PLEKHA5: variants seen among roughly 807,000 people sequenced by gnomAD.
PLEKHA5 encodes the protein pleckstrin homology domain containing A5, also known as pleckstrin homology domain-containing family A member 5.
PLEKHA5 carries 55 observed loss-of-function variants against 181.9 expected under a neutral mutation model. The ratio of observed to expected loss-of-function variants is 0.30; its 90% CI spans 0.24 to 0.38. The LOEUF is 0.38. Among genes scored for constraint, PLEKHA5 ranks in the 10% least tolerant of loss-of-function variants. The pLI, the probability that PLEKHA5 is intolerant of heterozygous loss-of-function variation, is 1.00. For missense variants in PLEKHA5, 1,432 were observed against 1,549.5 expected (o/e 0.92, Z 1.27); for synonymous variants, 535 against 529.4 (o/e 1.01, Z -0.15).
chr12:19,323,593 G>T (rs2153052905), intron 20 of PLEKHA5, among the ~76,000 whole-genome samples: 1 of 152,134 alleles, frequency 6.6e-6, no homozygotes, highest in Non-Finnish European at 1.5e-5. Context: ...GAGGCAGGTG[G>T]ATCACTTGAG....
intron 6 of PLEKHA5, among the ~76,000 whole-genome samples, chr12:19,260,602 A>G (rs1185911710): frequency 6.6e-6 from 1 of 152,194 alleles, no homozygotes; most frequent in Non-Finnish European, 1.5e-5. Flanking sequence ...CAAGCCTGTA[A>G]TCCCAGCACT....
At chr12:19,331,658 G>C (rs2092845497) in intron 20 of PLEKHA5, among the ~76,000 whole-genome samples, 1 of 152,078 alleles carries the variant, frequency 6.6e-6, no homozygotes, top group East Asian at 1.9e-4. Context: ...TCTTGTCTCA[G>C]TACAGACTAC....
chr12:19,135,674 A>G (rs1203232680), intron 3 of PLEKHA5, among the ~76,000 whole-genome samples: 1 of 152,164 alleles, frequency 6.6e-6, no homozygotes, highest in Non-Finnish European at 1.5e-5. Context: ...ATCTTCATGT[A>G]AACAGATAGT....
At chr12:19,246,146 C>G (rs1288289867) in intron 3 of PLEKHA5, among the ~76,000 whole-genome samples, 1 of 150,978 alleles carries the variant, frequency 6.6e-6, no homozygotes, top group Non-Finnish European at 1.5e-5. Context: ...ACCCGGTTAA[C>G]TTTTTGTATT....
intron 3 of PLEKHA5, among the ~76,000 whole-genome samples, chr12:19,215,128 G>A (rs945711853): frequency 6.6e-6 from 1 of 152,058 alleles, no homozygotes; most frequent in Admixed American, 6.5e-5. Flanking sequence ...AGTGAGCTGA[G>A]ATGGTGCCAC....
chr12:19,320,889 G>A (rs2090486230), intron 18 of PLEKHA5: 2 of 203,718 alleles, frequency 9.8e-6, no homozygotes, highest in Non-Finnish European at 1.9e-5. Flanking sequence ...CAGATTGGCT[G>A]GACACGGTGG....
At position 19,276,381 on chromosome 12, in the gene PLEKHA5, A is replaced by G. The variant is rs557316051; in HGVS notation, c.1313+1398A>G. ...GATTGCTTTGATGTGCTTGATTGCAAACTCGTCTTGCTCAAGATTAAGTTT... is the reference window on the plus strand; with the variant it reads ...GATTGCTTTGATGTGCTTGATTGCAGACTCGTCTTGCTCAAGATTAAGTTT... On this transcript the variant is annotated intron_variant, in intron 11 of 31. Coordinates refer to ENST00000429027, the MANE Select transcript of PLEKHA5 (RefSeq NM_001256470.2). 2.0e-5 allele frequency among the ~76,000 whole-genome samples: 3 copies of G among 152,288 alleles called. No individual in the cohort carries two copies. The East Asian group carries it at 5.8e-4, about 29-fold the overall frequency.
At chr12:19,150,145 T>C (rs1252676635) in intron 3 of PLEKHA5, 2 of 152,246 alleles carry the variant, frequency 1.3e-5, no homozygotes, top group Non-Finnish European at 2.9e-5. Flanking sequence ...CCTTAGATTA[T>C]ATAGAAATCT....
chr12:19,295,344 T>C (rs1471918642), intron 15 of PLEKHA5, among the ~76,000 whole-genome samples: 2 of 152,334 alleles, frequency 1.3e-5, no homozygotes, highest in East Asian at 3.9e-4. Flanking sequence ...TTTCCATGTT[T>C]ATTTTTCTGC....
Position 19,347,049 on chromosome 12 carries a change from A to T in PLEKHA5, c.2765A>T (p.Glu922Val). Residue 922 changes from glutamate to valine, a missense_variant, in exon 24 of 32, where the codon GAG becomes GTG. Coordinates refer to ENST00000429027, the MANE Select transcript of PLEKHA5 (RefSeq NM_001256470.2). The stretch of plus-strand genomic sequence containing the variant: ...CTTCCTCGGTCCTATGACTTTACAG[A>T]GCAGCCTCCCATAATCCCCCCTCTG... Reference protein sequence around the residue: ...PPLPRSYDFTEQPPIIPPLPS... With the variant: ...PPLPRSYDFTVQPPIIPPLPS... The T allele has an allele frequency of 1.3e-6, 2 of 1,551,704 alleles. No individual in the cohort carries two copies. Among genetic ancestry groups the T allele is most frequent in the Non-Finnish European group, 1.7e-6 (2 of 1,146,862 alleles).
rs775103736 is a variant in PLEKHA5, at chr12:19,353,895, C to G, written c.3031C>G (p.Pro1011Ala). Residue 1011 changes from proline to alanine, a missense_variant, in exon 26 of 32, where the codon CCT becomes GCT. Transcript: ENST00000429027. ...ETSVVKGSHF[P>A]VGVVPPRAKS... ...GTTTTAATTTTTAGGTTCCCACTTT[C>G]CTGTTGGAGTAGTCCCTCCAAGAGC... The G allele has an allele frequency of 6.4e-7, 1 of 1,554,870 alleles. No individual in the cohort carries two copies. Among genetic ancestry groups the G allele is most frequent in the Admixed American group, 1.7e-5 (1 of 59,498 alleles).
Position 19,129,740 on chromosome 12 carries a change from C to G in PLEKHA5, c.-60C>G. 7.4e-7 allele frequency: 1 copy of G among 1,359,012 alleles called. No individual in the cohort carries two copies. The highest frequency in any genetic ancestry group is 1.0e-6 in the Non-Finnish European group (1 of 969,382). The allele number at this position is 1,359,012 out of a possible 1,614,324, so 84.2% of individuals were successfully genotyped here. ...CGCTCCCTTCGCTCGCTCGTTCCCT[C>G]CTCCCTCGGCAGCCGCGGCGGCAGC... On this transcript the variant is annotated 5_prime_UTR_variant, in exon 1 of 32. Coordinates refer to ENST00000429027, the MANE Select transcript of PLEKHA5 (RefSeq NM_001256470.2).
chr12:19,136,554 C>T (rs1036469844), intron 3 of PLEKHA5, among the ~76,000 whole-genome samples: 2 of 152,052 alleles, frequency 1.3e-5, no homozygotes, highest in African/African-American at 4.8e-5. Context: ...AATGACAGGC[C>T]ATGGTAACTT....
intron 15 of PLEKHA5, among the ~76,000 whole-genome samples, chr12:19,307,943 TAAAG>T (rs889070900): frequency 6.3e-5 from 9 of 142,920 alleles, no homozygotes; most frequent in African/African-American, 2.3e-4. Context: ...AGAAGAAAGA[TAAAG>T]AGAGAAATAG....
At chr12:19,261,391 T>G (rs1191244751) in intron 7 of PLEKHA5, among the ~76,000 whole-genome samples, 3 of 152,196 alleles carry the variant, frequency 2.0e-5, no homozygotes, top group African/African-American at 7.2e-5. Context: ...CCCCAGCAAA[T>G]GATATTAGAA....
intron 15 of PLEKHA5, among the ~76,000 whole-genome samples, chr12:19,302,891 A>C (rs1273854761): frequency 7.6e-6 from 1 of 131,654 alleles, no homozygotes; most frequent in Non-Finnish European, 1.6e-5. Flanking sequence ...GTTGGACAGC[A>C]CTGTTCTGTA....
intron 3 of PLEKHA5, among the ~76,000 whole-genome samples, chr12:19,188,842 A>G (rs2050425256): frequency 6.6e-6 from 1 of 152,194 alleles, no homozygotes; most frequent in Non-Finnish European, 1.5e-5. Flanking sequence ...GGCATTATAT[A>G]TACTTAATGG....
intron 3 of PLEKHA5, among the ~76,000 whole-genome samples, chr12:19,176,761 A>G (rs2047359402): frequency 6.6e-6 from 1 of 152,174 alleles, no homozygotes; most frequent in African/African-American, 2.4e-5. Flanking sequence ...ATTTACTTAA[A>G]TTGACAAATA....
Position 19,130,232 on chromosome 12 carries a change from G to T in PLEKHA5, c.169+102G>T, listed in dbSNP as rs1189876836. 2.2e-5 allele frequency: 13 copies of T among 591,530 alleles called. No individual in the cohort carries two copies. Among genetic ancestry groups the T allele is most frequent in the Non-Finnish European group, 2.5e-5 (10 of 406,316 alleles). 36.6% of individuals were successfully genotyped at this position (591,530 alleles called of 1,614,324 possible). On this transcript the variant is annotated intron_variant, in intron 2 of 31. Transcript: ENST00000429027. This position sits in a 1 kb window ranked among gnomAD's most constrained non-coding sequence, Gnocchi z 4.5. ...CTGCCCCGCGCCGCGGGCCCCGGGA[G>T]GCGGCGAGGCGGGGCGGAGGCCGGG...
Sources: allele counts gnomAD v4.1 joint callset (sites outside exome capture counted in the v4.1 genomes callset), GRCh38; gene constraint gnomAD v4.1.1; non-coding constraint Gnocchi (gnomAD v3.1); transcripts MANE v1.5; gene names NCBI Gene and HGNC (gene_info 2026-07-23, HGNC 2026-07-21).